Variants in SYBU observed in about 807,000 individuals in gnomAD.
The protein encoded by SYBU is syntabulin, also known as GOLSYN A protein.
In SYBU, 21 loss-of-function variants were observed where a neutral mutation model predicts 35.9. That is an observed-to-expected ratio of 0.58 (90% CI 0.41 to 0.84). The LOEUF (loss-of-function observed/expected upper bound fraction) is 0.84, where lower values mean the gene tolerates loss of function less well. Among genes scored for constraint, SYBU ranks in the 40% least tolerant of loss-of-function variants. The pLI is 0.00. For synonymous variants in SYBU, 319 were observed against 324.3 expected (o/e 0.98, Z 0.18); for missense variants, 768 against 848.2 (o/e 0.91, Z 1.17).
chr8:109,650,021 A>G (rs1816055003), intron 1 of SYBU, among the ~76,000 whole-genome samples: 1 of 152,210 alleles, frequency 6.6e-6, no homozygotes, highest in Non-Finnish European at 1.5e-5. Context: ...TCTGGGGCTA[A>G]TAGAGAAGCA....
intron 3 of SYBU, among the ~76,000 whole-genome samples, chr8:109,587,893 G>A (rs757363399): frequency 6.6e-6 from 1 of 152,184 alleles, no homozygotes; most frequent in Admixed American, 6.5e-5. Flanking sequence ...GTCTAATGAT[G>A]TAATGAGCTC....
chr8:109,627,524 G>A (rs1813121997), intron 2 of SYBU, among the ~76,000 whole-genome samples: 1 of 152,166 alleles, frequency 6.6e-6, no homozygotes, highest in African/African-American at 2.4e-5. Flanking sequence ...TTAATAATAT[G>A]TTACTGTTGG....
At chr8:109,581,525 A>T (rs1461740382) in intron 4 of SYBU, among the ~76,000 whole-genome samples, 1 of 152,234 alleles carries the variant, frequency 6.6e-6, no homozygotes, top group Non-Finnish European at 1.5e-5. Flanking sequence ...CCAGTAGTGT[A>T]AGGAAGCATC....
At chr8:109,679,811 T>C (rs1394868397) in intron 1 of SYBU, among the ~76,000 whole-genome samples, 1 of 152,182 alleles carries the variant, frequency 6.6e-6, no homozygotes, top group Non-Finnish European at 1.5e-5. Flanking sequence ...ACCTTTCCCC[T>C]CTTGCTGAGG....
chr8:109,627,001 C>G (rs1813054078), intron 2 of SYBU, among the ~76,000 whole-genome samples: 1 of 152,208 alleles, frequency 6.6e-6, no homozygotes, highest in Non-Finnish European at 1.5e-5. Context: ...ATTTAGATCT[C>G]AGAGCCCACT....
At chr8:109,586,325 A>G in intron 3 of SYBU, 163 bp from the exon 4 acceptor site, 1 of 597,934 alleles carries the variant, frequency 1.7e-6, no homozygotes, top group Non-Finnish European at 3.0e-6. Context: ...CAAAGCAGTC[A>G]AGAGAAGGCC....
At chr8:109,617,198 T>A (rs1811905185) in intron 3 of SYBU, among the ~76,000 whole-genome samples, 1 of 152,154 alleles carries the variant, frequency 6.6e-6, no homozygotes, top group African/African-American at 2.4e-5. Flanking sequence ...GGGTGAACAT[T>A]GTAAACATTA....
intron 2 of SYBU, among the ~76,000 whole-genome samples, chr8:109,621,949 G>A (rs1812446033): frequency 6.6e-6 from 1 of 152,160 alleles, no homozygotes; most frequent in Non-Finnish European, 1.5e-5. Context: ...TTTTCTTTGT[G>A]CAGCACTGAA....
chr8:109,675,324 C>T (rs1309875903), intron 1 of SYBU, among the ~76,000 whole-genome samples: 1 of 152,016 alleles, frequency 6.6e-6, no homozygotes, highest in Non-Finnish European at 1.5e-5. Flanking sequence ...ACAAGAAAAG[C>T]CCTTCAAAAA....
At chr8:109,662,261 A>G (rs1329825436) in intron 1 of SYBU, among the ~76,000 whole-genome samples, 1 of 152,218 alleles carries the variant, frequency 6.6e-6, no homozygotes, top group Non-Finnish European at 1.5e-5. Flanking sequence ...ACTTACATCA[A>G]TAAATGCAAC....
chr8:109,674,992 A>C (rs1334391993), intron 1 of SYBU, among the ~76,000 whole-genome samples: 1 of 152,234 alleles, frequency 6.6e-6, no homozygotes, highest in Admixed American at 6.5e-5. Context: ...AACTCACTAA[A>C]AACTGCACAA....
intron 3 of SYBU, among the ~76,000 whole-genome samples, chr8:109,592,013 A>G (rs919304578): frequency 6.6e-6 from 1 of 152,064 alleles, no homozygotes; most frequent in East Asian, 1.9e-4. Context: ...GGTTATTAAT[A>G]TTAAGAATTG....
rs1822134788 is a variant in SYBU, at chr8:109,575,417, G to A, written c.1481C>T (p.Pro494Leu). The A allele has an allele frequency of 6.2e-7, 1 of 1,614,036 alleles. No homozygotes were observed. Among genetic ancestry groups the A allele is most frequent in the East Asian group, 2.2e-5 (1 of 44,842 alleles). Residue 494 changes from proline (P) to leucine (L), a missense_variant, in exon 7 of 7, where the codon CCC becomes CTC. Pro to Leu is a moderately conservative substitution (Grantham distance 98). Transcript: ENST00000276646. The stretch of plus-strand genomic sequence containing the variant: ...GAGCTCTGAGATGGCTGGGCTGTAG[G>A]GCACCACGTCGGTCTGAACGGCTCG... ...VERAVQTDVV[P>L]YSPAISELIQ...
chr8:109,631,438 G>A (rs1028926301), intron 2 of SYBU, among the ~76,000 whole-genome samples: 1 of 152,110 alleles, frequency 6.6e-6, no homozygotes, highest in Non-Finnish European at 1.5e-5. Flanking sequence ...TTGGAGCTTC[G>A]AGTGCTCCCA....
chr8:109,681,136 T>C (rs1295494952), upstream of SYBU: 1 of 152,222 alleles, frequency 6.6e-6, no homozygotes, highest in African/African-American at 2.4e-5. Context: ...GTAACATATA[T>C]TAGAGACACT....
chr8:109,664,714 C>T (rs1252475279), intron 1 of SYBU, among the ~76,000 whole-genome samples: 1 of 152,122 alleles, frequency 6.6e-6, no homozygotes, highest in East Asian at 1.9e-4. Context: ...GAAAGATGAG[C>T]AGGTGAGGCT....
At chr8:109,662,485 TG>T (rs1175825018) in intron 1 of SYBU, among the ~76,000 whole-genome samples, 1 of 152,194 alleles carries the variant, frequency 6.6e-6, no homozygotes, top group Non-Finnish European at 1.5e-5. Flanking sequence ...CCATGGCCAC[TG>T]CTCTAGTCCC....
chr8:109,586,221 C>T, intron 3 of SYBU, 59 bp from the exon 4 acceptor site: 2 of 1,299,338 alleles, frequency 1.5e-6, no homozygotes, highest in Non-Finnish European at 2.2e-6. Flanking sequence ...AACACATTGG[C>T]CAGTTCCCTG....
chr8:109,614,872 A>G (rs1811562373), intron 3 of SYBU, among the ~76,000 whole-genome samples: 1 of 152,252 alleles, frequency 6.6e-6, no homozygotes, highest in Non-Finnish European at 1.5e-5. Flanking sequence ...ACCGCCTCCA[A>G]GAAGTTTCCA....
Sources: allele counts gnomAD v4.1 joint callset (sites outside exome capture counted in the v4.1 genomes callset), GRCh38; gene constraint gnomAD v4.1.1; transcripts MANE v1.5; gene names NCBI Gene and HGNC (gene_info 2026-07-23, HGNC 2026-07-21).